GRM4: variants seen among roughly 807,000 people sequenced by gnomAD.
GRM4 encodes the protein glutamate metabotropic receptor 4, also known as metabotropic glutamate receptor 4.
In GRM4, 28 loss-of-function variants were observed where a neutral mutation model predicts 81.7. That is an observed-to-expected ratio of 0.34 (90% CI 0.25 to 0.47). The LOEUF (loss-of-function observed/expected upper bound fraction) is 0.47, where lower values mean the gene tolerates loss of function less well. GRM4 is among the 20% of genes least tolerant of loss of function. The pLI is 1.00. For synonymous variants in GRM4, 488 were observed against 528.8 expected, an observed-to-expected ratio of 0.92 and a Z score of 1.06; for missense variants, 948 against 1,290.0, an observed-to-expected ratio of 0.73 and a Z score of 4.06.
chr6:34,126,408 A>C (rs966129550), intron 2 of GRM4, among the ~76,000 whole-genome samples: 3 of 151,836 alleles, frequency 2.0e-5, no homozygotes, highest in Non-Finnish European at 4.4e-5. Flanking sequence ...TCCCTCGTTC[A>C]GCCCCCACCC....
At chr6:34,144,680 G>C (rs1325621618) in intron 1 of GRM4, among the ~76,000 whole-genome samples, 1 of 152,052 alleles carries the variant, frequency 6.6e-6, no homozygotes, top group Non-Finnish European at 1.5e-5. Context: ...CTGCCGGGAA[G>C]AGGTGCAAAT....
chr6:34,094,635 G>T (rs551240212), intron 2 of GRM4, among the ~76,000 whole-genome samples: 1 of 152,170 alleles, frequency 6.6e-6, no homozygotes, highest in Non-Finnish European at 1.5e-5. Context: ...CTTTGCTGGG[G>T]GGAGGTCCCT....
chr6:34,115,629 C>G lies in GRM4; in HGVS notation c.519+17349G>C, dbSNP rs943532409. Among the ~76,000 whole-genome samples the G allele has an allele frequency of 6.6e-5, 10 of 152,210 alleles. No homozygotes were observed. Among genetic ancestry groups the G allele is most frequent in the African/African-American group, 2.4e-4 (10 of 41,438 alleles). ...TTAGTAAATCGATGCTCTGAAAGAG[C>G]CTTTCTAGCTTCCCAAAGGGGCCCT... On this transcript the variant is annotated intron_variant, in intron 2 of 10. Transcript: ENST00000538487. This position sits in a 1 kb window ranked among gnomAD's most constrained non-coding sequence, Gnocchi z 4.1.
chr6:34,117,507 C>T (rs1769646385), intron 2 of GRM4, among the ~76,000 whole-genome samples: 1 of 152,230 alleles, frequency 6.6e-6, no homozygotes, highest in Non-Finnish European at 1.5e-5. Flanking sequence ...CACCCACTAC[C>T]TCAGCTGCCA....
Position 34,040,288 on chromosome 6 carries a change from T to C in GRM4, c.1396A>G (p.Asn466Asp). 1 of 1,614,212 alleles carries C rather than the reference T, an allele frequency of 6.2e-7. No individual in the cohort carries two copies. The highest frequency in any genetic ancestry group is 8.5e-7 in the Non-Finnish European group (1 of 1,180,012). Reference sequence around the variant, plus strand: ...CGCCCAGGCGCATCTCCATTCTCATTGAAGGTCACAGGGTTCCCTGCGATG... The same window carrying C: ...CGCCCAGGCGCATCTCCATTCTCATCGAAGGTCACAGGGTTCCCTGCGATG... The part of the protein sequence containing the change: ...SGIAGNPVTF[N>D]ENGDAPGRYD... Residue 466 changes from asparagine to aspartate, a missense_variant, in exon 8 of 11, where the codon AAT (asparagine) becomes GAT (aspartate). Physicochemically the swap from Asn to Asp is conservative, Grantham distance 23. Transcript: ENST00000538487.
chr6:34,082,469 C>G (rs1767653985), intron 3 of GRM4, among the ~76,000 whole-genome samples: 1 of 152,064 alleles, frequency 6.6e-6, no homozygotes, highest in South Asian at 2.1e-4. Flanking sequence ...GATGTGAAGA[C>G]CTGTGTTGTG....
intron 3 of GRM4, among the ~76,000 whole-genome samples, chr6:34,082,481 G>A (rs562353791): frequency 2.0e-5 from 3 of 152,240 alleles, no homozygotes; most frequent in Admixed American, 6.5e-5. Flanking sequence ...TGTGTTGTGG[G>A]GGACTCAGAG....
chr6:34,099,955 A>G (rs988776816), intron 2 of GRM4: 5 of 650,106 alleles, frequency 7.7e-6, no homozygotes, highest in Admixed American at 1.3e-4. Flanking sequence ...TTCGCCACAG[A>G]CCCTCCGGGA....
intron 1 of GRM4, among the ~76,000 whole-genome samples, chr6:34,153,171 G>C (rs1006931361): frequency 1.1e-4 from 17 of 152,076 alleles, no homozygotes; most frequent in Admixed American, 7.9e-4. Flanking sequence ...GCTCCCCGAC[G>C]CACACACCCA....
chr6:34,152,789 G>C lies in GRM4; in HGVS notation c.312+2290C>G, dbSNP rs1771071023. Among the ~76,000 whole-genome samples the C allele has an allele frequency of 6.6e-6, 1 of 152,150 alleles. No homozygotes were observed. The highest frequency in any genetic ancestry group is 6.5e-5 in the Admixed American group (1 of 15,280). The stretch of plus-strand genomic sequence containing the variant: ...TGAAATATTAATAGAATTCTAACCA[G>C]CTGGAGTGGGGTATGAGGCCCCCAC... On this transcript the variant is annotated intron_variant, in intron 1 of 8. Coordinates refer to the GRM4 transcript ENST00000374177. The surrounding 1 kb of genome is among the most constrained non-coding windows in gnomAD (Gnocchi z 4.1).
chr6:34,035,559 T>TGAGAGAAGGCAGAATGAGGCAA lies in GRM4; in HGVS notation c.2442+108_2442+109insTTGCCTCATTCTGCCTTCTCTC, dbSNP rs1562012244. The TGAGAGAAGGCAGAATGAGGCAA allele has an allele frequency of 1.7e-6, 1 of 577,656 alleles. No individual in the cohort carries two copies. The highest frequency in any genetic ancestry group is 2.3e-5 in the African/African-American group (1 of 43,268). 35.8% of individuals were successfully genotyped at this position (577,656 alleles called of 1,614,324 possible). On this transcript the variant is annotated intron_variant, in intron 9 of 10. Coordinates refer to ENST00000538487, the MANE Select transcript of GRM4 (RefSeq NM_000841.4). The surrounding 1 kb of genome is among the most constrained non-coding windows in gnomAD (Gnocchi z 6.6). ...GCAAGAAAGAAGGCAGAATGAGGCATGAAAGAAGGCATTTCTGGAGCAGGG... is the reference window on the plus strand; with the variant it reads ...GCAAGAAAGAAGGCAGAATGAGGCATGAGAGAAGGCAGAATGAGGCAAGAAAGAAGGCATTTCTGGAGCAGGG...
In GRM4 at chr6:34,103,632, G is replaced by A. The variant is rs1444281297; in HGVS notation, c.520-11533C>T. ...GTAACCTTGTCAACAGTGATCTGTG[G>A]GGGAGGCCGGGAGGAGCCCAGGCAG... On this transcript the variant is annotated intron_variant, in intron 2 of 10. Transcript: ENST00000538487. The A allele has an allele frequency of 1.9e-5, 29 of 1,535,238 alleles. No homozygotes were observed. In the East Asian group the frequency reaches 4.9e-4, roughly 26 times the overall value.
At chr6:34,123,497 G>A (rs187910792) in intron 2 of GRM4, among the ~76,000 whole-genome samples, 4 of 152,300 alleles carry the variant, frequency 2.6e-5, no homozygotes, top group Admixed American at 2.6e-4. Flanking sequence ...ACCTGGAAAG[G>A]TGCACGTGAT....
At chr6:34,109,471 C>A (rs929487296) in intron 2 of GRM4, among the ~76,000 whole-genome samples, 2 of 152,126 alleles carry the variant, frequency 1.3e-5, no homozygotes, top group African/African-American at 4.8e-5. Flanking sequence ...GGCCACCCAC[C>A]CCAGTCAGCA....
intron 2 of GRM4, among the ~76,000 whole-genome samples, chr6:34,105,490 C>T (rs1769074802): frequency 6.6e-6 from 1 of 152,140 alleles, no homozygotes; most frequent in African/African-American, 2.4e-5. Flanking sequence ...TGGTCCCGCT[C>T]CTGGCGCTCC....
intron 2 of GRM4, among the ~76,000 whole-genome samples, chr6:34,125,723 CA>C (rs1317279120): frequency 1.3e-5 from 2 of 152,256 alleles, no homozygotes; most frequent in Non-Finnish European, 2.9e-5. Context: ...CCCCTCCTTC[CA>C]CGTCCCTTCC....
chr6:34,101,943 G>T, intron 2 of GRM4: 1 of 1,389,930 alleles, frequency 7.2e-7, no homozygotes, highest in Non-Finnish European at 9.8e-7. Context: ...GGAGGCCAGG[G>T]GTATGGCCAG....
At chr6:34,147,843 T>C (rs1873245), upstream of GRM4, among the ~76,000 whole-genome samples, 151,217 of 152,328 alleles carry the variant, frequency 0.99, 75,067 homozygotes, top group Middle Eastern at 1. Context: ...TTTAGGCGGC[T>C]GTAAGTGGGA....
rs1241073996 is a variant in GRM4 at position 34,021,640 on chromosome 6, A to C, written c.*1181T>G. The C allele has an allele frequency of 4.6e-5, 7 of 152,298 alleles. No individual in the cohort carries two copies. The highest frequency in any genetic ancestry group is 7.3e-5 in the Non-Finnish European group (5 of 68,182). 9.4% of individuals were successfully genotyped at this position (152,298 alleles called of 1,614,324 possible). On this transcript the variant is annotated 3_prime_UTR_variant, in exon 11 of 11. Transcript: ENST00000538487. The surrounding 1 kb of genome is among the most constrained non-coding windows in gnomAD (Gnocchi z 5.3). ...GGTGCTGATTCCTGGAATTTCCTGC[A>C]ATGTCCCTGCCCCTTACCTGGGAAT... is the stretch of plus-strand genomic sequence containing the variant.
Sources: gnomAD v4.1 joint callset for allele counts (sites outside exome capture counted in the v4.1 genomes callset) on GRCh38, gnomAD v4.1.1 for gene constraint, Gnocchi (gnomAD v3.1) non-coding constraint, MANE v1.5 for transcripts, NCBI Gene and HGNC (gene_info 2026-07-23, HGNC 2026-07-21) for gene names.